Variants in NRXN1 observed in about 807,000 individuals in gnomAD.
The protein encoded by NRXN1 is neurexin 1.
Under a neutral mutation model 150.9 loss-of-function variants are expected in NRXN1, and 39 were observed. That is an observed-to-expected ratio of 0.26 (90% confidence interval 0.20 to 0.34). The LOEUF (loss-of-function observed/expected upper bound fraction) is 0.34, where lower values mean the gene tolerates loss of function less well. Among genes scored for constraint, NRXN1 ranks in the 10% least tolerant of loss-of-function variants. The pLI is 1.00. For missense variants in NRXN1, 1,815 were observed against 1,949.9 expected (o/e 0.93, Z 1.30); for synonymous variants, 924 against 757.0 (o/e 1.22, Z -3.62).
intron 10 of NRXN1, among the ~76,000 whole-genome samples, chr2:50,533,556 A>T (rs766272468): frequency 1.3e-5 from 2 of 152,108 alleles, no homozygotes; most frequent in Non-Finnish European, 2.9e-5. Context: ...TTCTGAATTG[A>T]TTGCTGTTCA....
At chr2:50,981,183 G>A (rs536833191) in intron 2 of NRXN1, among the ~76,000 whole-genome samples, 6 of 151,928 alleles carry the variant, frequency 3.9e-5, no homozygotes, top group East Asian at 1.9e-4. Flanking sequence ...CTGTCTCGGC[G>A]TAGTGGCTCA....
intron 5 of NRXN1, among the ~76,000 whole-genome samples, chr2:50,634,093 G>T (rs1682838963): frequency 6.6e-6 from 1 of 152,162 alleles, no homozygotes; most frequent in Non-Finnish European, 1.5e-5. Context: ...TGTGGGATGG[G>T]GCTATGTCAT....
rs1668263737 is a variant in NRXN1 at position 49,921,875 on chromosome 2, T to C, written c.*69A>G. 3 of 1,488,170 alleles carry C rather than the reference T, an allele frequency of 2.0e-6. No homozygotes were observed. The allele number at this position is 1,488,170 out of a possible 1,614,324, so 92.2% of individuals were successfully genotyped here. A position where few individuals can be genotyped will look rare whatever the true frequency, so the allele number is the denominator to read the frequency against. Reference sequence around the variant, plus strand: ...TGTGCTTCATAAAAAGGAAAGTAAATAAGTTTATATTATGTCTCAGATAAA... The same window carrying C: ...TGTGCTTCATAAAAAGGAAAGTAAACAAGTTTATATTATGTCTCAGATAAA... On this transcript the variant is annotated 3_prime_UTR_variant, in exon 23 of 23. Coordinates refer to ENST00000401669, the MANE Select transcript of NRXN1 (RefSeq NM_001330078.2).
intron 2 of NRXN1, among the ~76,000 whole-genome samples, chr2:51,006,259 G>C (rs573424376): frequency 6.6e-6 from 1 of 151,866 alleles, no homozygotes; most frequent in Non-Finnish European, 1.5e-5. Context: ...CATGGATGAA[G>C]CTGGAAACCA....
At chr2:50,398,939 G>C (rs1217251571) in intron 17 of NRXN1, among the ~76,000 whole-genome samples, 1 of 152,060 alleles carries the variant, frequency 6.6e-6, no homozygotes, top group South Asian at 2.1e-4. Context: ...AGGTATACAA[G>C]CATATACATG....
At chr2:50,721,403 C>A (rs999400063) in intron 5 of NRXN1, among the ~76,000 whole-genome samples, 1 of 152,194 alleles carries the variant, frequency 6.6e-6, no homozygotes, top group East Asian at 1.9e-4. Context: ...TCAGAGATAA[C>A]TACCCTTTAC....
chr2:50,129,912 G>A (rs1003811612), intron 18 of NRXN1, among the ~76,000 whole-genome samples: 78 of 152,288 alleles, frequency 5.1e-4, no homozygotes, highest in African/African-American at 1.8e-3. Flanking sequence ...TGAAAGTTAA[G>A]TGAAGCTAAA....
chr2:50,770,825 T>C (rs1431073739), intron 5 of NRXN1, among the ~76,000 whole-genome samples: 7 of 152,024 alleles, frequency 4.6e-5, no homozygotes, highest in Admixed American at 4.6e-4. Context: ...AATTTTGCCA[T>C]AGATGCTATG....
chr2:49,929,546 A>G (rs140077178), intron 22 of NRXN1, among the ~76,000 whole-genome samples: 71 of 152,058 alleles, frequency 4.7e-4, no homozygotes, highest in African/African-American at 1.6e-3. Flanking sequence ...ACCTACTCCA[A>G]TTTGTCTTCC....
Position 50,121,849 on chromosome 2 carries a change from T to C in NRXN1, c.3547-30355A>G, listed in dbSNP as rs528244950. ...AAGTAAACCATACAAAATAGAACTT[T>C]CCTCAAGATGACTAGAGGTCAATAA... On this transcript the variant is annotated intron_variant, in intron 18 of 22. Coordinates refer to ENST00000401669, the MANE Select transcript of NRXN1 (RefSeq NM_001330078.2). Among the ~76,000 whole-genome samples, 25 of 152,306 alleles carry C rather than the reference T, an allele frequency of 1.6e-4. No homozygotes were observed. In the South Asian group the frequency reaches 3.1e-3, roughly 19 times the overall value.
chr2:50,632,242 T>C (rs888566070), intron 5 of NRXN1: 1 of 151,958 alleles, frequency 6.6e-6, no homozygotes, highest in Admixed American at 6.6e-5. Flanking sequence ...AGAATCAGAC[T>C]GGGGTGGTCT....
At position 50,976,393 on chromosome 2, in the gene NRXN1, T is replaced by C. The variant is rs796173511; in HGVS notation, c.773-50438A>G. Among the ~76,000 whole-genome samples, 87 of 152,074 alleles carry C rather than the reference T, an allele frequency of 5.7e-4. 1 individual carries two copies. The highest frequency in any genetic ancestry group is 2.0e-3 in the African/African-American group (85 of 41,524). ...TGAATGCTGTGTTATCTTAACAGTT[T>C]CCTTACATCTTCTTTAATTGCTGTG... On this transcript the variant is annotated intron_variant, in intron 2 of 22. Transcript: ENST00000401669.
chr2:49,975,977 A>G (rs2152501491), intron 21 of NRXN1, among the ~76,000 whole-genome samples: 1 of 151,960 alleles, frequency 6.6e-6, no homozygotes, highest in East Asian at 1.9e-4. Flanking sequence ...TACATAATAC[A>G]TGCATGTATA....
chr2:50,478,126 T>C (rs1169733798), intron 15 of NRXN1, among the ~76,000 whole-genome samples: 2 of 152,180 alleles, frequency 1.3e-5, no homozygotes, highest in East Asian at 3.9e-4. Context: ...AGCTTGTCTT[T>C]AGGTGACAAA....
chr2:50,969,176 C>T (rs1286830160), intron 2 of NRXN1, among the ~76,000 whole-genome samples: 2 of 152,130 alleles, frequency 1.3e-5, no homozygotes, highest in Non-Finnish European at 2.9e-5. Flanking sequence ...AACTGAAAGT[C>T]AGACATGCTC....
intron 21 of NRXN1, among the ~76,000 whole-genome samples, chr2:49,983,691 A>G (rs1680386934): frequency 6.6e-6 from 1 of 152,200 alleles, no homozygotes; most frequent in Middle Eastern, 3.2e-3. Context: ...GGACTAGTAA[A>G]TAAGATTAGA....
intron 19 of NRXN1, among the ~76,000 whole-genome samples, chr2:50,077,308 G>T (rs1697266081): frequency 6.6e-6 from 1 of 152,082 alleles, no homozygotes; most frequent in Admixed American, 6.5e-5. Flanking sequence ...TCACCCCAAT[G>T]CTGGCGCAAC....
intron 5 of NRXN1, among the ~76,000 whole-genome samples, chr2:50,646,551 G>A (rs1363181145): frequency 6.6e-6 from 1 of 151,752 alleles, no homozygotes; most frequent in Admixed American, 6.6e-5. Context: ...GCAGATCTGA[G>A]ATCTTTCTAT....
intron 15 of NRXN1, among the ~76,000 whole-genome samples, chr2:50,472,795 T>TTGTATGTGTGTG (rs2089634402): frequency 1.4e-5 from 2 of 138,644 alleles, no homozygotes; most frequent in South Asian, 4.6e-4. Flanking sequence ...CCCTACAGCC[T>TTGTATGTGTGTG]TGTGTGTGTG....
Sources: gnomAD v4.1 joint callset for allele counts (sites outside exome capture counted in the v4.1 genomes callset) on GRCh38, gnomAD v4.1.1 for gene constraint, MANE v1.5 for transcripts, NCBI Gene and HGNC (gene_info 2026-07-23, HGNC 2026-07-21) for gene names.